The following ST8SIA4 variants were observed in gnomAD, a reference collection of about 807,000 sequenced individuals.
ST8SIA4 encodes the protein CMP-N-acetylneuraminate-poly-alpha-2,8-sialyltransferase.
In ST8SIA4, 15 loss-of-function variants were observed where a neutral mutation model predicts 33.9. The ratio of observed to expected loss-of-function variants is 0.44; its 90% CI spans 0.30 to 0.68. The LOEUF (loss-of-function observed/expected upper bound fraction) is 0.68. Among genes scored for constraint, ST8SIA4 ranks in the 30% least tolerant of loss-of-function variants. ST8SIA4 has a pLI of 0.10. For synonymous variants in ST8SIA4, 171 were observed against 151.2 expected (o/e 1.13, Z -0.96); for missense variants, 321 against 428.0 (o/e 0.75, Z 2.21).
At chr5:100,831,781 CA>C (rs896113826) in intron 4 of ST8SIA4, among the ~76,000 whole-genome samples, 5 of 152,022 alleles carry the variant, frequency 3.3e-5, no homozygotes, top group Non-Finnish European at 7.4e-5. Context: ...CTCTGAGGGT[CA>C]GGGGGCTCAA....
At chr5:100,849,174 T>C in intron 4 of ST8SIA4, 2 of 985,336 alleles carry the variant, frequency 2.0e-6, no homozygotes, top group Middle Eastern at 5.2e-4. Flanking sequence ...AGTTTTTTTG[T>C]GACAGTTTGA....
chr5:100,814,888 T>C lies in ST8SIA4; in HGVS notation c.798-2759A>G, dbSNP rs373061457. Among the ~76,000 whole-genome samples the C allele has an allele frequency of 3.9e-5, 6 of 152,140 alleles. No individual in the cohort carries two copies. The East Asian group carries it at 7.7e-4, about 20-fold the overall frequency. ...GCCCAGACTACAATTTTGAAATCCA[T>C]ACCTGAATGTATCTACCTATACACA... On this transcript the variant is annotated intron_variant, in intron 4 of 4. Transcript: ENST00000231461.
Position 100,811,856 on chromosome 5 carries a change from T to C in ST8SIA4, c.1071A>G (p.Val357=), listed in dbSNP as rs1228489065. 3.7e-6 allele frequency: 6 copies of C among 1,610,046 alleles called. No individual in the cohort carries two copies. The highest frequency in any genetic ancestry group is 3.3e-4 in the Middle Eastern group (2 of 6,012). Residue 357 remains valine, a synonymous_variant, in exon 5 of 5, where the codon GTA becomes GTG. Coordinates refer to ENST00000231461, the MANE Select transcript of ST8SIA4 (RefSeq NM_005668.6). ...GALKLTTGKC[V]KQ ...TGTTTCAAAATGTGCTTTATTGCTT[T>C]ACACACTTTCCTGTTGTCAGTTTTA...
Position 100,886,471 on chromosome 5 carries a change from A to G in ST8SIA4, c.375T>C (p.His125=), listed in dbSNP as rs765331312. ...RRTLNISHDL[H]SLLPEVSPMK... ...TTGGTGAAACTTCAGGTAGGAGGCT[A>G]TGTAGATCATGAGAAATGTTTAGTG... is the stretch of plus-strand genomic sequence containing the variant. The change falls in exon 3 of 5, where the codon CAT becomes CAC. Residue 125 remains histidine (H), a synonymous_variant. Coordinates refer to ENST00000231461, the MANE Select transcript of ST8SIA4 (RefSeq NM_005668.6). The G allele has an allele frequency of 4.3e-6, 7 of 1,613,956 alleles. No homozygotes were observed. The highest frequency in any genetic ancestry group is 5.9e-6 in the Non-Finnish European group (7 of 1,179,844).
At chr5:100,901,365 G>C (rs1752909280) in intron 1 of ST8SIA4, among the ~76,000 whole-genome samples, 2 of 152,162 alleles carry the variant, frequency 1.3e-5, no homozygotes, top group Admixed American at 6.5e-5. Flanking sequence ...GCCCGGGAGG[G>C]AACAAAGAGC....
In ST8SIA4 at chr5:100,850,930, T is replaced by C. The variant is rs538937601; in HGVS notation, c.797+5173A>G. 2.2e-4 allele frequency among the ~76,000 whole-genome samples: 33 copies of C among 151,232 alleles called. No homozygotes were observed. The South Asian group carries it at 6.2e-3, about 29-fold the overall frequency. ...AGACTAGTTTATATATAATTATTTG[T>C]TCAGAATTATTATTGTAACCATACT... On this transcript the variant is annotated intron_variant, in intron 4 of 4. Transcript: ENST00000231461.
chr5:100,840,331 T>C (rs1234389549), intron 4 of ST8SIA4, among the ~76,000 whole-genome samples: 1 of 151,928 alleles, frequency 6.6e-6, no homozygotes, highest in Non-Finnish European at 1.5e-5. Flanking sequence ...TGTGTGTCTA[T>C]TTATATATAT....
intron 4 of ST8SIA4, among the ~76,000 whole-genome samples, chr5:100,824,011 G>A (rs1751088348): frequency 6.6e-6 from 1 of 152,170 alleles, no homozygotes; most frequent in Non-Finnish European, 1.5e-5. Flanking sequence ...AAATGGAAAT[G>A]TGATTGAAAT....
At position 100,822,551 on chromosome 5, in the gene ST8SIA4, AATG is replaced by A. The variant is rs1209482812; in HGVS notation, c.798-10425_798-10423del. On this transcript the variant is annotated intron_variant, in intron 4 of 4. Coordinates refer to ENST00000231461, the MANE Select transcript of ST8SIA4 (RefSeq NM_005668.6). ...CCCTTTAGGAATGCTAAAAGAATTG[AATG>A]ATAACGTACAAATAATAGTTCACTG... Among the ~76,000 whole-genome samples the A allele has an allele frequency of 3.9e-5, 6 of 152,322 alleles. No individual in the cohort carries two copies. The East Asian group carries it at 1.2e-3, about 29-fold the overall frequency.
Position 100,878,185 on chromosome 5 carries a change from AT to A in ST8SIA4, c.503+8157del, listed in dbSNP as rs761022861. Among the ~76,000 whole-genome samples, 99 of 147,728 alleles carry A rather than the reference AT, an allele frequency of 6.7e-4. 1 individual carries two copies. The East Asian group carries it at 7.3e-3, about 11-fold the overall frequency. On this transcript the variant is annotated intron_variant, in intron 3 of 4. Transcript: ENST00000231461. ...CAGTCTTTATTCAGAAGTGACAAAG[AT>A]TTTTTTTTTTAATGGAGTTTCGTTC...
intron 4 of ST8SIA4, among the ~76,000 whole-genome samples, chr5:100,825,464 TTC>T (rs1751121187): frequency 6.6e-6 from 1 of 152,232 alleles, no homozygotes; most frequent in Non-Finnish European, 1.5e-5. Flanking sequence ...TGTTATCAAA[TTC>T]TGTCTGTAGC....
chr5:100,811,318 A>AC lies in ST8SIA4; in HGVS notation c.*528dup, dbSNP rs1289498353. The AC allele has an allele frequency of 1.1e-5, 1 of 94,994 alleles. No individual in the cohort carries two copies. The highest frequency in any genetic ancestry group is 2.5e-5 in the Non-Finnish European group (1 of 40,670). 5.9% of individuals were successfully genotyped at this position (94,994 alleles called of 1,614,324 possible). On this transcript the variant is annotated 3_prime_UTR_variant, in exon 5 of 5. Transcript: ENST00000231461. Reference sequence around the variant, plus strand: ...TCCAAACCAAAAGAGATTCCAGAAGACAAAAAAAAAACATAAATTAAAACA... The same window carrying AC: ...TCCAAACCAAAAGAGATTCCAGAAGACCAAAAAAAAAACATAAATTAAAACA...
At chr5:100,820,617 G>C (rs1751015657) in intron 4 of ST8SIA4, among the ~76,000 whole-genome samples, 1 of 151,980 alleles carries the variant, frequency 6.6e-6, no homozygotes, top group Admixed American at 6.6e-5. Context: ...CAGGAAAATG[G>C]AATCTTGCTG....
rs56150508 is a variant in ST8SIA4, at chr5:100,856,495, T to G, written c.504-99A>C. The G allele has an allele frequency of 3.5e-3, 4,324 of 1,221,314 alleles. 120 individuals are homozygous for G. The African/African-American group carries it at 0.059, about 17-fold the overall frequency. 75.7% of individuals were successfully genotyped at this position (1,221,314 alleles called of 1,614,324 possible). On this transcript the variant is annotated intron_variant, in intron 3 of 4. Transcript: ENST00000231461. ...GAAGAATGGGAAATAAGCATTTTTT[T>G]AACCATGTGAAAAGAAAACCAAAAG... is the stretch of plus-strand genomic sequence containing the variant.
intron 3 of ST8SIA4, among the ~76,000 whole-genome samples, chr5:100,877,438 A>G (rs975310686): frequency 4.6e-5 from 7 of 152,194 alleles, no homozygotes; most frequent in African/African-American, 7.2e-5. Flanking sequence ...CACTTGAGGA[A>G]GGAAATGTGT....
chr5:100,822,674 A>G (rs1421066090), intron 4 of ST8SIA4, among the ~76,000 whole-genome samples: 1 of 152,218 alleles, frequency 6.6e-6, no homozygotes, highest in Non-Finnish European at 1.5e-5. Flanking sequence ...TACATGTGTC[A>G]GAGGCATTTG....
chr5:100,848,609 G>A (rs940281615), intron 4 of ST8SIA4, among the ~76,000 whole-genome samples: 4 of 149,768 alleles, frequency 2.7e-5, no homozygotes, highest in Middle Eastern at 3.7e-3. Context: ...AGTATATCGC[G>A]AGTATAGACT....
rs564964214 is a variant in ST8SIA4 at position 100,884,463 on chromosome 5, C to T, written c.503+1880G>A. On this transcript the variant is annotated intron_variant, in intron 3 of 4. Transcript: ENST00000231461. Reference sequence around the variant, plus strand: ...CAGAATTTTATTCACAGGTTGACTACATCCCAGAAATCTGGAAACCTATAG... The same window carrying T: ...CAGAATTTTATTCACAGGTTGACTATATCCCAGAAATCTGGAAACCTATAG... 6.6e-5 allele frequency among the ~76,000 whole-genome samples: 10 copies of T among 152,282 alleles called. 1 individual carries two copies. In the South Asian group the frequency reaches 1.7e-3, roughly 25 times the overall value.
chr5:100,849,476 A>T (rs1751639844), intron 4 of ST8SIA4: 2 of 984,912 alleles, frequency 2.0e-6, no homozygotes, highest in Non-Finnish European at 2.4e-6. Flanking sequence ...TACATATGTG[A>T]GCTTGAATTT....
Sources: allele counts gnomAD v4.1 joint callset (sites outside exome capture counted in the v4.1 genomes callset), GRCh38; gene constraint gnomAD v4.1.1; transcripts MANE v1.5; gene names NCBI Gene and HGNC (gene_info 2026-07-23, HGNC 2026-07-21).